The following VPS18 variants were observed in gnomAD, a reference collection of about 807,000 sequenced individuals.
The protein encoded by VPS18 is VPS18 core subunit of CORVET and HOPS complexes.
A neutral mutation model predicts 82.0 loss-of-function variants in VPS18; 25 were observed. The ratio of observed to expected loss-of-function variants is 0.30; its 90% CI spans 0.22 to 0.43. The LOEUF is 0.43. Among genes scored for constraint, VPS18 ranks in the 20% least tolerant of loss-of-function variants. VPS18 has a pLI of 1.00. For synonymous variants in VPS18, 523 were observed against 543.0 expected, an observed-to-expected ratio of 0.96 and a Z score of 0.51; for missense variants, 1,168 against 1,311.1, an observed-to-expected ratio of 0.89 and a Z score of 1.69.
At chr15:40,896,934 C>A (rs1259279496) in intron 2 of VPS18, among the ~76,000 whole-genome samples, 1 of 151,668 alleles carries the variant, frequency 6.6e-6, no homozygotes, top group Admixed American at 6.6e-5. Flanking sequence ...GAATGCTCAT[C>A]AATAGGAAAA....
Position 40,899,409 on chromosome 15 carries a change from T to G in VPS18, c.591T>G (p.Asn197Lys). The change falls in exon 4 of 5, where the codon AAT becomes AAG. Residue 197 changes from asparagine to lysine, a missense_variant. By Grantham distance (94) the Asn-to-Lys change is moderately conservative. Around this residue, in one of 3 missense-constraint regions of VPS18, gnomAD observed 868 missense variants for 939.8 expected, o/e 0.92. Transcript: ENST00000220509. The surrounding 1 kb of genome is among the most constrained non-coding windows in gnomAD (Gnocchi z 4.4). ...DLYFRPLYVL[N>K]EEGGPAPVCS... is the part of the protein sequence containing the mutation. ...ACTTCCGCCCATTGTACGTGCTAAA[T>G]GAAGAAGGGGGTCCAGCACCTGTGT... 6.2e-7 allele frequency: 1 copy of G among 1,604,258 alleles called. No homozygotes were observed. Among genetic ancestry groups the G allele is most frequent in the Non-Finnish European group, 8.5e-7 (1 of 1,172,594 alleles).
intron 2 of VPS18, among the ~76,000 whole-genome samples, chr15:40,896,551 C>T (rs1435062812): frequency 6.6e-6 from 1 of 151,632 alleles, no homozygotes; most frequent in Non-Finnish European, 1.5e-5. Context: ...TGGCTCACAC[C>T]TGTTATCCCA....
Position 40,902,666 on chromosome 15 carries a change from G to T in VPS18, c.2247G>T (p.Glu749Asp). 6.2e-7 allele frequency: 1 copy of T among 1,614,252 alleles called. No individual in the cohort carries two copies. The highest frequency in any genetic ancestry group is 8.5e-7 in the Non-Finnish European group (1 of 1,180,030). The change falls in exon 5 of 5, where the codon GAG (glutamate) becomes GAT (aspartate). Residue 749 changes from glutamate to aspartate, a missense_variant. Transcript: ENST00000220509. The surrounding 1 kb of genome is among the most constrained non-coding windows in gnomAD (Gnocchi z 4.2). ...KQCADLPEEDEELRKKLWLKI... is the reference protein window; with the variant it reads ...KQCADLPEEDDELRKKLWLKI... ...GTGCAGACCTGCCTGAGGAGGATGA[G>T]GAATTGCGCAAGAAGCTGTGGCTGA...
chr15:40,895,731 C>T (rs1408616987), intron 1 of VPS18, among the ~76,000 whole-genome samples: 5 of 152,232 alleles, frequency 3.3e-5, no homozygotes, highest in African/African-American at 1.2e-4. Context: ...CAACCCCTCA[C>T]TGCTGTCAGA....
At position 40,900,451 on chromosome 15, in the gene VPS18, G is replaced by C. The variant is rs780220231; in HGVS notation, c.1633G>C (p.Glu545Gln). Residue 545 changes from glutamate to glutamine, a missense_variant, in exon 4 of 5, where the codon GAG becomes CAG. Glu to Gln is a conservative substitution (Grantham distance 29). This residue lies in a region of VPS18 where 868 missense variants were observed against 939.8 expected (regional missense o/e 0.92). Coordinates refer to ENST00000220509, the MANE Select transcript of VPS18 (RefSeq NM_020857.3). The surrounding 1 kb of genome is among the most constrained non-coding windows in gnomAD (Gnocchi z 5.4). ...CTTTGCCAGCCGGGCCTCTATCCAT[G>C]AGCTGCTCGCCAGTCATGGGGACAC... Reference protein sequence around the residue: ...WLFASRASIHELLASHGDTEH... With the variant: ...WLFASRASIHQLLASHGDTEH... 6.2e-7 allele frequency: 1 copy of C among 1,614,056 alleles called. No individual in the cohort carries two copies. Among genetic ancestry groups the C allele is most frequent in the Admixed American group, 1.7e-5 (1 of 60,030 alleles).
Position 40,896,035 on chromosome 15 carries a change from C to T in VPS18, c.189C>T (p.Ser63=), listed in dbSNP as rs1892224045. The change falls in exon 2 of 5, where the codon TCC becomes TCT. Residue 63 remains serine (S), a synonymous_variant. Coordinates refer to ENST00000220509, the MANE Select transcript of VPS18 (RefSeq NM_020857.3). ...PSERITSLVV[S]SNQLCMSLGK... ...AGCGCATTACCAGTCTTGTCGTCTC[C>T]AGCAATCAGCTGTGCATGAGCCTGG... The T allele has an allele frequency of 6.2e-7, 1 of 1,614,186 alleles. No individual in the cohort carries two copies. Among genetic ancestry groups the T allele is most frequent in the Middle Eastern group, 1.6e-4 (1 of 6,062 alleles).
chr15:40,903,199 C>T lies in VPS18; in HGVS notation c.2780C>T (p.Pro927Leu). ...EAEGGAATAG[P>L]SREQLKADLD... is the part of the protein sequence containing the mutation. ...GAGGGTGGGGCTGCCACGGCAGGGC[C>T]CAGCCGGGAACAGCTCAAGGCTGAC... Residue 927 changes from proline (P) to leucine (L), a missense_variant, in exon 5 of 5, where the codon CCC (proline) becomes CTC (leucine). By Grantham distance (98) the Pro-to-Leu change is moderately conservative. Transcript: ENST00000220509. 6.2e-7 allele frequency: 1 copy of T among 1,610,514 alleles called. No individual in the cohort carries two copies. The highest frequency in any genetic ancestry group is 8.5e-7 in the Non-Finnish European group (1 of 1,178,422).
chr15:40,897,086 G>A (rs1185565149), intron 2 of VPS18, among the ~76,000 whole-genome samples: 9 of 151,750 alleles, frequency 5.9e-5, no homozygotes, highest in African/African-American at 1.9e-4. Context: ...ACCTGAGGTC[G>A]GGAGTTCAAG....
chr15:40,898,268 C>T lies in VPS18; in HGVS notation c.234-639C>T, dbSNP rs868314589. 1.8e-3 allele frequency among the ~76,000 whole-genome samples: 248 copies of T among 141,662 alleles called. 1 individual carries two copies. The highest frequency in any genetic ancestry group is 0.011 in the Middle Eastern group (3 of 270). The allele number at this position is 141,662 out of a possible 152,430, so 92.9% of individuals were successfully genotyped here. ...CGCGCCCGGCCTTTTTTTTTTTTTT[C>T]CCCCCTTTTTGTGGAGAACACGGTC... On this transcript the variant is annotated intron_variant, in intron 2 of 4. Coordinates refer to ENST00000220509, the MANE Select transcript of VPS18 (RefSeq NM_020857.3).
rs1469200306 is a variant in VPS18, at chr15:40,902,383, G to A, written c.2197-233G>A. ...CTGCCTTGGCCTCCCAAAATGCTGG[G>A]ATTATAGGCCTGAGCCACTGCGCCC... On this transcript the variant is annotated intron_variant, in intron 4 of 4. Transcript: ENST00000220509. This position sits in a 1 kb window ranked among gnomAD's most constrained non-coding sequence, Gnocchi z 4.2. 6.6e-6 allele frequency among the ~76,000 whole-genome samples: 1 copy of A among 152,192 alleles called. No homozygotes were observed. The highest frequency in any genetic ancestry group is 1.5e-5 in the Non-Finnish European group (1 of 68,040).
intron 2 of VPS18, among the ~76,000 whole-genome samples, chr15:40,896,742 C>T (rs545107498): frequency 2.0e-4 from 30 of 147,678 alleles, no homozygotes; most frequent in African/African-American, 6.5e-4. Flanking sequence ...ACCTGGGAGC[C>T]GGAAGTTGCA....
chr15:40,901,803 G>C (rs1258632167), intron 4 of VPS18, among the ~76,000 whole-genome samples: 1 of 152,140 alleles, frequency 6.6e-6, no homozygotes, highest in African/African-American at 2.4e-5. Flanking sequence ...CTACTCAGGA[G>C]GCTGAGGTAG....
At position 40,900,168 on chromosome 15, in the gene VPS18, G is replaced by A; in HGVS notation, c.1350G>A (p.Gln450=). ...LESARCYALT[Q]SYFEEIALKF... is the part of the protein sequence containing the mutation. ...GCGCACGCTGCTATGCCCTGACCCA[G>A]AGCTACTTTGAGGAGATTGCCCTCA... Residue 450 remains glutamine, a synonymous_variant, in exon 4 of 5, where the codon CAG becomes CAA. Transcript: ENST00000220509. This position sits in a 1 kb window ranked among gnomAD's most constrained non-coding sequence, Gnocchi z 5.4. The A allele has an allele frequency of 6.2e-7, 1 of 1,613,822 alleles. No homozygotes were observed. Among genetic ancestry groups the A allele is most frequent in the Non-Finnish European group, 8.5e-7 (1 of 1,180,032 alleles).
In VPS18 at chr15:40,903,292, C is replaced by A; in HGVS notation, c.2873C>A (p.Pro958Gln). ...GELMIRSIDR[P>Q]FIDPQRYEEE... ...CTGATGATCCGCTCTATCGACCGGC[C>A]GTTCATCGACCCCCAGCGCTACGAG... Residue 958 changes from proline to glutamine, a missense_variant, in exon 5 of 5, where the codon CCG becomes CAG. Physicochemically the swap from Pro to Gln is moderately conservative, Grantham distance 76 (BLOSUM62 -1). Coordinates refer to ENST00000220509, the MANE Select transcript of VPS18 (RefSeq NM_020857.3). 1 of 1,564,094 alleles carries A rather than the reference C, an allele frequency of 6.4e-7. No homozygotes were observed. Among genetic ancestry groups the A allele is most frequent in the Non-Finnish European group, 8.7e-7 (1 of 1,155,942 alleles).
rs142111685 is a variant in VPS18 at position 40,899,323 on chromosome 15, A to G, written c.505A>G (p.Ile169Val). The change falls in exon 4 of 5, where the codon ATC becomes GTC. Residue 169 changes from isoleucine to valine, a missense_variant. By Grantham distance (29) the Ile-to-Val change is conservative (BLOSUM62 3). Around this residue, in one of 3 missense-constraint regions of VPS18, gnomAD observed 868 missense variants for 939.8 expected, o/e 0.92. Coordinates refer to ENST00000220509, the MANE Select transcript of VPS18 (RefSeq NM_020857.3). This position sits in a 1 kb window ranked among gnomAD's most constrained non-coding sequence, Gnocchi z 4.4. ...CCTGGTCGGGACTGCCCAAGGCCAC[A>G]TCTTTGAAGCAGAGCTCTCAGCCAG... ...PILVGTAQGH[I>V]FEAELSASEG... is the part of the protein sequence containing the mutation. 5.7e-4 allele frequency: 920 copies of G among 1,614,016 alleles called. No individual in the cohort carries two copies. The highest frequency in any genetic ancestry group is 7.5e-4 in the Non-Finnish European group (883 of 1,179,956).
chr15:40,901,751 CAA>C (rs1015263413), intron 4 of VPS18, among the ~76,000 whole-genome samples: 15 of 151,534 alleles, frequency 9.9e-5, no homozygotes, highest in African/African-American at 3.4e-4. Flanking sequence ...ACTGAAAATA[CAA>C]AAGTTAGCTG....
Position 40,903,446 on chromosome 15 carries a change from A to C in VPS18, c.*105A>C. On this transcript the variant is annotated 3_prime_UTR_variant, in exon 5 of 5. Transcript: ENST00000220509. ...TGCTCAGTCATCTTGCAATTGCCAC[A>C]CTGTGACCACGTTGACGGGAGTAGA... 1 of 1,449,368 alleles carries C rather than the reference A, an allele frequency of 6.9e-7. No individual in the cohort carries two copies. Among genetic ancestry groups the C allele is most frequent in the Non-Finnish European group, 9.1e-7 (1 of 1,093,542 alleles). The allele number at this position is 1,449,368 out of a possible 1,614,324, so 89.8% of individuals were successfully genotyped here.
chr15:40,901,245 A>G (rs1892352387), intron 4 of VPS18, among the ~76,000 whole-genome samples: 1 of 152,210 alleles, frequency 6.6e-6, no homozygotes, highest in Non-Finnish European at 1.5e-5. Context: ...ATTTGGCCAC[A>G]AAAGGGGGTC....
In VPS18 at chr15:40,899,970, G is replaced by A; in HGVS notation, c.1152G>A (p.Arg384=). ...GCCAGCTGTGGGCCTACACTGAGCG[G>A]GCTGTCTTCCGCTACCACGTGCAAC... ...STGQLWAYTE[R]AVFRYHVQRE... The change falls in exon 4 of 5, where the codon CGG becomes CGA. Residue 384 remains arginine, a synonymous_variant. Transcript: ENST00000220509. This position sits in a 1 kb window ranked among gnomAD's most constrained non-coding sequence, Gnocchi z 4.4. 1.2e-6 allele frequency: 2 copies of A among 1,614,002 alleles called. No homozygotes were observed. The highest frequency in any genetic ancestry group is 1.7e-6 in the Non-Finnish European group (2 of 1,180,030).
Sources: allele counts gnomAD v4.1 joint callset (sites outside exome capture counted in the v4.1 genomes callset), GRCh38; gene constraint gnomAD v4.1.1; regional missense constraint gnomAD v4.1.1; non-coding constraint Gnocchi (gnomAD v3.1); transcripts MANE v1.5; gene names NCBI Gene and HGNC (gene_info 2026-07-23, HGNC 2026-07-21).